The following INPP5D variants were observed in gnomAD, a reference collection of about 807,000 sequenced individuals.
INPP5D encodes inositol polyphosphate-5-phosphatase D, also known as phosphatidylinositol 3,4,5-trisphosphate 5-phosphatase 1.
Under a neutral mutation model 122.9 loss-of-function variants are expected in INPP5D, and 33 were observed. That is an observed-to-expected ratio of 0.27 (90% CI 0.20 to 0.36). The LOEUF is 0.36. Ranked by LOEUF, INPP5D falls within the 10% of genes least tolerant of loss-of-function variation. The pLI is 1.00. For synonymous variants in INPP5D, 584 were observed against 576.2 expected (o/e 1.01, Z -0.19); for missense variants, 1,053 against 1,412.7 (o/e 0.75, Z 4.08).
chr2:233,148,524 C>A (rs1693831913), intron 9 of INPP5D, among the ~76,000 whole-genome samples: 1 of 152,102 alleles, frequency 6.6e-6, no homozygotes, highest in Non-Finnish European at 1.5e-5. Context: ...GAGATGGGCA[C>A]TGGGGCCCAG....
rs1313655565 is a variant in INPP5D at position 233,195,424 on chromosome 2, A to T, written c.2622A>T (p.Glu874Asp). 14 of 1,613,676 alleles carry T rather than the reference A, an allele frequency of 8.7e-6. No homozygotes were observed. In the Middle Eastern group the frequency reaches 4.9e-4, roughly 57 times the overall value. The change falls in exon 24 of 27, where the codon GAA becomes GAT. Residue 874 changes from glutamate (E) to aspartate (D), a missense_variant. Physicochemically the swap from Glu to Asp is conservative, Grantham distance 45 (BLOSUM62 2). Around this residue, in one of 6 missense-constraint regions of INPP5D, gnomAD observed 258 missense variants for 439.1 expected, o/e 0.59. Coordinates refer to ENST00000445964, the MANE Select transcript of INPP5D (RefSeq NM_001017915.3). ...ACTTTGTGAAGACGGAGCGTGATGA[A>T]TCCAGTGGGCCAAAGACCCTGAAGA... Reference protein sequence around the residue: ...LYDFVKTERDESSGPKTLKSL... With the variant: ...LYDFVKTERDDSSGPKTLKSL...
At chr2:233,088,613 A>C (rs1691912328) in intron 2 of INPP5D, among the ~76,000 whole-genome samples, 1 of 152,200 alleles carries the variant, frequency 6.6e-6, no homozygotes, top group African/African-American at 2.4e-5. Context: ...TTGAGGACTA[A>C]AAGAGATGGT....
chr2:233,076,241 A>T (rs11674113), intron 1 of INPP5D: 2,418 of 152,382 alleles, frequency 0.016, 31 homozygotes, highest in Middle Eastern at 0.037. Context: ...GCATTGAAAA[A>T]TAAGAGCACA....
At chr2:233,073,523 C>T (rs1199866458) in intron 1 of INPP5D, among the ~76,000 whole-genome samples, 1 of 151,552 alleles carries the variant, frequency 6.6e-6, no homozygotes, top group Non-Finnish European at 1.5e-5. Flanking sequence ...GCCTGTAATC[C>T]CAGCTACTCC....
At chr2:233,194,423 G>A (rs186747508) in intron 23 of INPP5D, among the ~76,000 whole-genome samples, 30 of 150,488 alleles carry the variant, frequency 2.0e-4, no homozygotes, top group African/African-American at 7.1e-4. Context: ...ATACAAACAG[G>A]CCCTCGTACG....
chr2:233,134,558 G>A (rs1021648618), intron 5 of INPP5D, among the ~76,000 whole-genome samples: 1 of 152,154 alleles, frequency 6.6e-6, no homozygotes, highest in Non-Finnish European at 1.5e-5. Context: ...TCCCCGTGCG[G>A]GTCTGGCGTG....
intron 9 of INPP5D, among the ~76,000 whole-genome samples, chr2:233,157,038 G>A (rs748170643): frequency 6.6e-5 from 10 of 152,190 alleles, no homozygotes; most frequent in African/African-American, 2.4e-4. Flanking sequence ...ATGGAACAAG[G>A]TTCCAGAGTC....
At chr2:233,104,648 G>T (rs984594023) in intron 2 of INPP5D, among the ~76,000 whole-genome samples, 1 of 152,192 alleles carries the variant, frequency 6.6e-6, no homozygotes, top group Non-Finnish European at 1.5e-5. Flanking sequence ...TGTCTGATCA[G>T]CTCTTCTATA....
intron 23 of INPP5D, among the ~76,000 whole-genome samples, chr2:233,194,678 A>G (rs1407725902): frequency 6.6e-6 from 1 of 151,894 alleles, no homozygotes; most frequent in Non-Finnish European, 1.5e-5. Flanking sequence ...TTATATTTTT[A>G]GTAGAGACAG....
At chr2:233,203,760 G>A (rs1695401279) in intron 25 of INPP5D, among the ~76,000 whole-genome samples, 1 of 151,922 alleles carries the variant, frequency 6.6e-6, no homozygotes, top group African/African-American at 2.4e-5. Flanking sequence ...AAATTAGCCA[G>A]GCCTGGAGGC....
intron 5 of INPP5D, among the ~76,000 whole-genome samples, chr2:233,137,897 T>TACACACAC (rs796742030): frequency 2.7e-4 from 12 of 44,536 alleles, no homozygotes; most frequent in African/African-American, 9.4e-4. Context: ...TATATATATA[T>TACACACAC]ACACACACAC....
At chr2:233,062,094 G>T (rs889917117) in intron 1 of INPP5D, among the ~76,000 whole-genome samples, 1 of 152,230 alleles carries the variant, frequency 6.6e-6, no homozygotes, top group Non-Finnish European at 1.5e-5. Flanking sequence ...CTTAGAAGGA[G>T]CAGGAAGATT....
At chr2:233,167,207 C>CAAA (rs565735597) in intron 13 of INPP5D, among the ~76,000 whole-genome samples, 1,043 of 102,132 alleles carry the variant, frequency 0.01, 19 homozygotes, top group East Asian at 0.053. Flanking sequence ...ACCATTTCTA[C>CAAA]AAAAAAAAAA....
intron 2 of INPP5D, among the ~76,000 whole-genome samples, chr2:233,115,608 C>T (rs1364755890): frequency 2.0e-5 from 3 of 152,134 alleles, no homozygotes; most frequent in Admixed American, 2.0e-4. Flanking sequence ...TTGCCCTGTA[C>T]CTTCCCCAGG....
intron 25 of INPP5D, among the ~76,000 whole-genome samples, chr2:233,202,872 C>T (rs143125993): frequency 4.3e-4 from 65 of 152,306 alleles, no homozygotes; most frequent in African/African-American, 1.4e-3. Flanking sequence ...AGGAGCTTCC[C>T]CTGCCCATGA....
At chr2:233,191,892 C>A (rs1212305466) in intron 22 of INPP5D, among the ~76,000 whole-genome samples, 1 of 152,200 alleles carries the variant, frequency 6.6e-6, no homozygotes, top group Non-Finnish European at 1.5e-5. Context: ...AAATGAAAGC[C>A]CCACGCATAG....
chr2:233,139,153 A>T (rs996529228), intron 5 of INPP5D, among the ~76,000 whole-genome samples: 1 of 152,244 alleles, frequency 6.6e-6, no homozygotes, highest in African/African-American at 2.4e-5. Flanking sequence ...TCAAATCATT[A>T]GAATGTTAAA....
At chr2:233,185,568 G>C (rs537510794) in intron 20 of INPP5D, among the ~76,000 whole-genome samples, 3,803 of 151,776 alleles carry the variant, frequency 0.025, 63 homozygotes, top group African/African-American at 0.042. Flanking sequence ...TTGTTGCCTG[G>C]TTTGTTGCAA....
chr2:233,201,812 C>T (rs1047987454), intron 25 of INPP5D, among the ~76,000 whole-genome samples: 1 of 152,188 alleles, frequency 6.6e-6, no homozygotes, highest in African/African-American at 2.4e-5. Flanking sequence ...AGATGAGACT[C>T]GTCTCCTGAA....
Sources: gnomAD v4.1 joint callset for allele counts (sites outside exome capture counted in the v4.1 genomes callset) on GRCh38, gnomAD v4.1.1 for gene constraint, gnomAD v4.1.1 regional missense constraint, MANE v1.5 for transcripts, NCBI Gene and HGNC (gene_info 2026-07-23, HGNC 2026-07-21) for gene names.